Variants in TRIO observed in about 807,000 individuals in gnomAD.
TRIO encodes triple functional domain protein.
Under a neutral mutation model 351.9 loss-of-function variants are expected in TRIO, and 58 were observed. The observed-to-expected ratio is 0.16, with a 90% confidence interval of 0.13 to 0.21. The LOEUF (loss-of-function observed/expected upper bound fraction) is 0.21. Among genes scored for constraint, TRIO ranks in the 10% least tolerant of loss-of-function variants. TRIO has a pLI of 1.00. For missense variants in TRIO, 3,201 were observed against 4,027.8 expected (o/e 0.79, Z 5.56); for synonymous variants, 1,758 against 1,595.7 (o/e 1.10, Z -2.42).
Position 14,183,013 on chromosome 5 carries a change from G to A in TRIO, c.157+39131G>A, listed in dbSNP as rs78916813. On this transcript the variant is annotated intron_variant, in intron 1 of 56. Coordinates refer to ENST00000344204, the MANE Select transcript of TRIO (RefSeq NM_007118.4). ...CTGGGCCAGGGCCCCATCCTTTTCC[G>A]CAGGCCTCTGGGCAGCACCAGGTAG... 6.0e-4 allele frequency among the ~76,000 whole-genome samples: 92 copies of A among 152,256 alleles called. No individual in the cohort carries two copies. In the East Asian group the frequency reaches 0.015, roughly 26 times the overall value.
chr5:14,397,364 G>A (rs781599567), intron 29 of TRIO: 8 of 488,090 alleles, frequency 1.6e-5, no homozygotes, highest in Non-Finnish European at 2.9e-5. Context: ...CCCTTCACTG[G>A]AAAACAGCCT....
intron 33 of TRIO, among the ~76,000 whole-genome samples, chr5:14,411,664 G>A (rs1222157276): frequency 6.6e-6 from 1 of 152,208 alleles, no homozygotes; most frequent in African/African-American, 2.4e-5. Context: ...CTGGAGTGCA[G>A]TGGTGTGATC....
intron 33 of TRIO, among the ~76,000 whole-genome samples, chr5:14,408,872 T>A (rs201921919): frequency 9.0e-4 from 132 of 147,264 alleles, no homozygotes; most frequent in East Asian, 6.9e-3. Flanking sequence ...ATTCTTTTTT[T>A]AAAAAAAAAA....
Position 14,289,278 on chromosome 5 carries a change from G to C in TRIO, c.541-1438G>C, listed in dbSNP as rs937956708. On this transcript the variant is annotated intron_variant, in intron 4 of 56. Transcript: ENST00000344204. ...AAGTCACCTGTAATCCCAGCTACTC[G>C]GGAGGCTGAGGCAGGAGAATCACTT... Among the ~76,000 whole-genome samples, 3 of 152,104 alleles carry C rather than the reference G, an allele frequency of 2.0e-5. No homozygotes were observed. The South Asian group carries it at 6.2e-4, about 31-fold the overall frequency.
intron 34 of TRIO, among the ~76,000 whole-genome samples, chr5:14,454,279 A>ACC (rs1268021698): frequency 1.3e-5 from 2 of 151,854 alleles, no homozygotes; most frequent in Non-Finnish European, 2.9e-5. Context: ...CTGAGCCCCC[A>ACC]CCCCGACACT....
chr5:14,206,590 T>C (rs1458732319), intron 1 of TRIO, among the ~76,000 whole-genome samples: 2 of 152,234 alleles, frequency 1.3e-5, no homozygotes, highest in African/African-American at 2.4e-5. Flanking sequence ...CCTTCTGTTC[T>C]GGCATGTGCC....
chr5:14,226,427 A>G (rs696290), intron 1 of TRIO, among the ~76,000 whole-genome samples: 8,885 of 152,242 alleles, frequency 0.058, 338 homozygotes, highest in African/African-American at 0.1. Context: ...GGTTGTGAAC[A>G]AGACTTACCC....
chr5:14,281,838 GA>G (rs1736033805), intron 3 of TRIO, among the ~76,000 whole-genome samples: 1 of 152,172 alleles, frequency 6.6e-6, no homozygotes, highest in African/African-American at 2.4e-5. Flanking sequence ...TAACCTTAAG[GA>G]ACATGTTACA....
intron 34 of TRIO, among the ~76,000 whole-genome samples, chr5:14,432,350 C>G (rs1255824670): frequency 6.6e-6 from 1 of 152,196 alleles, no homozygotes; most frequent in East Asian, 1.9e-4. Flanking sequence ...TGGAAGAAAC[C>G]TTTGGTGCAG....
At chr5:14,231,011 A>T (rs1185698552) in intron 1 of TRIO, among the ~76,000 whole-genome samples, 1 of 152,228 alleles carries the variant, frequency 6.6e-6, no homozygotes, top group Non-Finnish European at 1.5e-5. Flanking sequence ...TTACTTGCCA[A>T]TGCCTAGTTC....
chr5:14,271,041 CTGTT>C, intron 2 of TRIO, 142 bp downstream of exon 2: 1 of 656,364 alleles, frequency 1.5e-6, no homozygotes, highest in Non-Finnish European at 2.6e-6. Context: ...TCTTGTAGCA[CTGTT>C]TCTGAGAAAT....
At chr5:14,172,911 G>A (rs765108192) in intron 1 of TRIO, among the ~76,000 whole-genome samples, 1 of 152,208 alleles carries the variant, frequency 6.6e-6, no homozygotes, top group Non-Finnish European at 1.5e-5. Context: ...GCCTTTGAGT[G>A]GGGCTGTGAA....
intron 34 of TRIO, among the ~76,000 whole-genome samples, chr5:14,433,647 T>C (rs1454838583): frequency 6.6e-6 from 1 of 152,166 alleles, no homozygotes; most frequent in African/African-American, 2.4e-5. Context: ...GTGTGCTCCT[T>C]TTAATAATTG....
At chr5:14,455,511 T>C (rs889034869) in intron 34 of TRIO, among the ~76,000 whole-genome samples, 3 of 151,392 alleles carry the variant, frequency 2.0e-5, no homozygotes, top group Non-Finnish European at 4.4e-5. Context: ...AGACACAGAG[T>C]GGATTGGTGT....
At chr5:14,216,286 G>C (rs1792217913) in intron 1 of TRIO, among the ~76,000 whole-genome samples, 1 of 152,194 alleles carries the variant, frequency 6.6e-6, no homozygotes, top group Non-Finnish European at 1.5e-5. Flanking sequence ...GGTAGTTTAT[G>C]AATGGGTTTG....
At chr5:14,254,190 C>A (rs550458100) in intron 1 of TRIO, among the ~76,000 whole-genome samples, 2 of 151,738 alleles carry the variant, frequency 1.3e-5, no homozygotes, top group East Asian at 1.9e-4. Flanking sequence ...TTCTCCCCCC[C>A]TCCCCCCGCC....
chr5:14,398,806 CTAA>C lies in TRIO; in HGVS notation c.4424-69_4424-67del, dbSNP rs1747830011. ...GGCATTTTTAAAATTGTTGAAAATA[CTAA>C]TAATGCTTTCTTGTGCATCAGTTTT... On this transcript the variant is annotated intron_variant, in intron 29 of 56. Transcript: ENST00000344204. 9.9e-6 allele frequency: 14 copies of C among 1,414,056 alleles called. No homozygotes were observed. In the Admixed American group the frequency reaches 2.9e-4, roughly 29 times the overall value. 87.6% of individuals were successfully genotyped at this position (1,414,056 alleles called of 1,614,324 possible). A position where few individuals can be genotyped will look rare whatever the true frequency, so the allele number is the denominator to read the frequency against.
At position 14,508,257 on chromosome 5, in the gene TRIO, G is replaced by A. The variant is rs752529000; in HGVS notation, c.9129G>A (p.Leu3043=). 6.2e-7 allele frequency: 1 copy of A among 1,614,046 alleles called. No individual in the cohort carries two copies. Among genetic ancestry groups the A allele is most frequent in the Non-Finnish European group, 8.5e-7 (1 of 1,180,048 alleles). Residue 3043 remains leucine (L), a synonymous_variant, in exon 57 of 57, where the codon CTG becomes CTA. Transcript: ENST00000344204. ...CCGCCAAGCGTCCCTCGGCTGCGCT[G>A]GCCCTCCAGGAGCAGTGGCTGCAGG... ...EDPAKRPSAA[L]ALQEQWLQAG...
chr5:14,319,568 C>A (rs1389948466), intron 9 of TRIO, among the ~76,000 whole-genome samples: 1 of 152,144 alleles, frequency 6.6e-6, no homozygotes, highest in Non-Finnish European at 1.5e-5. Context: ...AACCGAAATC[C>A]ATAAAAACAT....
Sources: allele counts gnomAD v4.1 joint callset (sites outside exome capture counted in the v4.1 genomes callset), GRCh38; gene constraint gnomAD v4.1.1; transcripts MANE v1.5; gene names NCBI Gene and HGNC (gene_info 2026-07-23, HGNC 2026-07-21).